Variants in FBXL7 observed in about 807,000 individuals in gnomAD.
FBXL7 encodes the protein F-box/LRR-repeat protein 7.
A neutral mutation model predicts 38.3 loss-of-function variants in FBXL7; 12 were observed. That is an observed-to-expected ratio of 0.31 (90% CI 0.20 to 0.51). FBXL7 has a LOEUF of 0.51. FBXL7 is among the 20% of genes least tolerant of loss of function. The pLI is 0.98. For synonymous variants in FBXL7, 297 were observed against 300.9 expected (o/e 0.99, Z 0.13); for missense variants, 567 against 676.4 (o/e 0.84, Z 1.79).
chr5:15,532,547 G>C (rs747697677), intron 1 of FBXL7, among the ~76,000 whole-genome samples: 2 of 152,172 alleles, frequency 1.3e-5, no homozygotes, highest in Non-Finnish European at 2.9e-5. Flanking sequence ...TTTAATTAAG[G>C]CTAGATAGAA....
At chr5:15,575,521 A>C (rs1297627837) in intron 1 of FBXL7, among the ~76,000 whole-genome samples, 3 of 152,178 alleles carry the variant, frequency 2.0e-5, no homozygotes, top group African/African-American at 7.2e-5. Context: ...TAGAGGCATA[A>C]ATGGATGGCC....
intron 2 of FBXL7, among the ~76,000 whole-genome samples, chr5:15,653,158 CAGAT>C (rs1252356998): frequency 2.0e-5 from 3 of 152,054 alleles, no homozygotes; most frequent in Non-Finnish European, 4.4e-5. Context: ...ATCACCATAA[CAGAT>C]AGATAAATTA....
chr5:15,913,805 C>G (rs1286809024), intron 2 of FBXL7, among the ~76,000 whole-genome samples: 2 of 152,128 alleles, frequency 1.3e-5, no homozygotes, highest in Non-Finnish European at 2.9e-5. Flanking sequence ...AGAGCTGGCT[C>G]CTTTCCCAAG....
Position 15,927,921 on chromosome 5 carries a change from G to A in FBXL7, c.159G>A (p.Thr53=), listed in dbSNP as rs1337110723. 4.5e-6 allele frequency: 7 copies of A among 1,540,002 alleles called. No homozygotes were observed. The highest frequency in any genetic ancestry group is 5.2e-6 in the Non-Finnish European group (6 of 1,142,920). ...ACCTGAGCATGCGCACACTGAGCAC[G>A]CCCAGCCCAGCCCTGATATGTCCAC... ...DSDLSMRTLS[T]PSPALICPPN... is the part of the protein sequence containing the mutation. Residue 53 remains threonine, a synonymous_variant, in exon 3 of 4, where the codon ACG becomes ACA. Transcript: ENST00000504595.
intron 1 of FBXL7, among the ~76,000 whole-genome samples, chr5:15,601,572 T>C (rs1156865468): frequency 1.3e-5 from 2 of 152,152 alleles, no homozygotes; most frequent in African/African-American, 4.8e-5. Flanking sequence ...TAGTGACATA[T>C]TGCCTGCTCT....
At chr5:15,575,720 C>A (rs1471719674) in intron 1 of FBXL7, among the ~76,000 whole-genome samples, 1 of 152,186 alleles carries the variant, frequency 6.6e-6, no homozygotes, top group Non-Finnish European at 1.5e-5. Flanking sequence ...TATTTTCAAA[C>A]TGGCATGCAA....
At chr5:15,517,475 T>C (rs975359949) in intron 1 of FBXL7, among the ~76,000 whole-genome samples, 1 of 152,084 alleles carries the variant, frequency 6.6e-6, no homozygotes, top group Non-Finnish European at 1.5e-5. Flanking sequence ...GCTTGCCAGG[T>C]GTGGCTGGGA....
intron 2 of FBXL7, among the ~76,000 whole-genome samples, chr5:15,795,901 C>T (rs545545565): frequency 7.2e-5 from 11 of 152,298 alleles, no homozygotes; most frequent in African/African-American, 2.2e-4. Flanking sequence ...GAAAAGGGAG[C>T]TACATCTTAA....
At chr5:15,667,004 G>A (rs555314735) in intron 2 of FBXL7, among the ~76,000 whole-genome samples, 1 of 152,110 alleles carries the variant, frequency 6.6e-6, no homozygotes, top group East Asian at 1.9e-4. Flanking sequence ...AACCTTGTTT[G>A]TGGGATTACT....
chr5:15,529,267 T>A (rs557135236), intron 1 of FBXL7, among the ~76,000 whole-genome samples: 1 of 152,380 alleles, frequency 6.6e-6, no homozygotes, highest in East Asian at 1.9e-4. Flanking sequence ...TTTGAAAGGC[T>A]GAAGAGTATT....
intron 2 of FBXL7, among the ~76,000 whole-genome samples, chr5:15,870,068 C>T (rs1739888002): frequency 1.3e-5 from 2 of 152,088 alleles, no homozygotes; most frequent in East Asian, 1.9e-4. Context: ...CGCGATTGCA[C>T]CACTGTACTC....
rs1031139439 is a variant in FBXL7 at position 15,651,292 on chromosome 5, T to C, written c.127+35220T>C. Among the ~76,000 whole-genome samples the C allele has an allele frequency of 3.9e-5, 6 of 151,978 alleles. 1 individual carries two copies. The highest frequency in any genetic ancestry group is 1.5e-4 in the African/African-American group (6 of 41,376). ...TTTATATTTTTAGTAGAGACGGGGT[T>C]TCACCATGTTAGCCAGGATAGTCTC... On this transcript the variant is annotated intron_variant, in intron 2 of 3. Coordinates refer to ENST00000504595, the MANE Select transcript of FBXL7 (RefSeq NM_012304.5).
At chr5:15,648,347 G>A (rs904036442) in intron 2 of FBXL7, among the ~76,000 whole-genome samples, 2 of 152,188 alleles carry the variant, frequency 1.3e-5, no homozygotes, top group South Asian at 2.1e-4. Flanking sequence ...GCATTTTTAA[G>A]TAAAGGTGAA....
At chr5:15,869,685 C>T (rs1392469392) in intron 2 of FBXL7, among the ~76,000 whole-genome samples, 1 of 152,144 alleles carries the variant, frequency 6.6e-6, no homozygotes, top group Non-Finnish European at 1.5e-5. Context: ...ATCTTCAAAA[C>T]ATATTTTGAG....
At chr5:15,718,344 A>T (rs1225081857) in intron 2 of FBXL7, among the ~76,000 whole-genome samples, 1 of 152,216 alleles carries the variant, frequency 6.6e-6, no homozygotes, top group Non-Finnish European at 1.5e-5. Flanking sequence ...ATTTCCCTTC[A>T]TCTTTCTTTA....
chr5:15,922,504 G>A (rs1741769923), intron 2 of FBXL7, among the ~76,000 whole-genome samples: 1 of 152,142 alleles, frequency 6.6e-6, no homozygotes, highest in Non-Finnish European at 1.5e-5. Flanking sequence ...GGGAAGGAAG[G>A]CGTTTAGGGG....
At chr5:15,537,134 A>C (rs1261429676) in intron 1 of FBXL7, among the ~76,000 whole-genome samples, 3 of 152,194 alleles carry the variant, frequency 2.0e-5, no homozygotes, top group African/African-American at 4.8e-5. Context: ...TGGAACTATG[A>C]GTCAATTAAA....
At chr5:15,514,961 A>ACCTTCTCTCTGTCCAGTTTG (rs1736896510) in intron 1 of FBXL7, among the ~76,000 whole-genome samples, 1 of 152,106 alleles carries the variant, frequency 6.6e-6, no homozygotes, top group African/African-American at 2.4e-5. Context: ...ATCATAGACC[A>ACCTTCTCTCTGTCCAGTTTG]CCTTCTCTCT....
intron 2 of FBXL7, among the ~76,000 whole-genome samples, chr5:15,817,820 C>T (rs997232201): frequency 3.9e-5 from 6 of 152,128 alleles, no homozygotes; most frequent in East Asian, 1.9e-4. Flanking sequence ...TACAGATTAC[C>T]CAGTCTCAGG....
Sources: allele counts gnomAD v4.1 joint callset (sites outside exome capture counted in the v4.1 genomes callset), GRCh38; gene constraint gnomAD v4.1.1; transcripts MANE v1.5; gene names NCBI Gene and HGNC (gene_info 2026-07-23, HGNC 2026-07-21).